Variants in KCNT2 observed in about 807,000 individuals in gnomAD.
The protein encoded by KCNT2 is potassium channel subfamily T member 2.
Under a neutral mutation model 153.8 loss-of-function variants are expected in KCNT2, and 67 were observed. That is an observed-to-expected ratio of 0.44 (90% CI 0.36 to 0.53). The LOEUF (loss-of-function observed/expected upper bound fraction) is 0.53, where lower values mean the gene tolerates loss of function less well. Among genes scored for constraint, KCNT2 ranks in the 20% least tolerant of loss-of-function variants. The pLI is 0.00. For synonymous variants in KCNT2, 500 were observed against 458.8 expected (o/e 1.09, Z -1.15); for missense variants, 975 against 1,354.8 (o/e 0.72, Z 4.40).
intron 1 of KCNT2, among the ~76,000 whole-genome samples, chr1:196,592,692 T>C (rs1406342763): frequency 1.4e-5 from 1 of 72,748 alleles, no homozygotes; most frequent in East Asian, 4.7e-4. Context: ...TCTGATTATA[T>C]ATGTATGTAT....
chr1:196,326,406 T>C (rs959214535), intron 19 of KCNT2, among the ~76,000 whole-genome samples: 4 of 152,092 alleles, frequency 2.6e-5, no homozygotes, highest in Non-Finnish European at 2.9e-5. Flanking sequence ...GGCTAGTTGA[T>C]TAATTTAAGG....
At chr1:196,572,957 G>T (rs528376566) in intron 1 of KCNT2, among the ~76,000 whole-genome samples, 152 of 152,160 alleles carry the variant, frequency 1.0e-3, no homozygotes, top group African/African-American at 3.4e-3. Flanking sequence ...AGTGTCTCAG[G>T]TTTAAATAGA....
At chr1:196,527,802 C>G (rs907290385) in intron 1 of KCNT2, among the ~76,000 whole-genome samples, 2 of 152,118 alleles carry the variant, frequency 1.3e-5, no homozygotes, top group Admixed American at 6.5e-5. Flanking sequence ...TTCCTATGAA[C>G]GGAGGTACAC....
intron 8 of KCNT2, among the ~76,000 whole-genome samples, chr1:196,437,488 G>T (rs538120570): frequency 2.8e-5 from 4 of 144,774 alleles, no homozygotes; most frequent in African/African-American, 1.0e-4. Flanking sequence ...TATATCCCCC[G>T]CCTAAACATT....
chr1:196,496,404 G>T (rs909032311), intron 1 of KCNT2, among the ~76,000 whole-genome samples: 3 of 150,868 alleles, frequency 2.0e-5, no homozygotes, highest in Admixed American at 2.0e-4. Flanking sequence ...AGAGGCAGAG[G>T]TTGCAGTGAG....
At chr1:196,247,965 A>G (rs1655603560) in intron 26 of KCNT2, among the ~76,000 whole-genome samples, 1 of 152,192 alleles carries the variant, frequency 6.6e-6, no homozygotes, top group Non-Finnish European at 1.5e-5. Flanking sequence ...TCTGACCACA[A>G]AGGAATAAAA....
chr1:196,426,443 AAC>A (rs1673661410), intron 10 of KCNT2, among the ~76,000 whole-genome samples: 1 of 152,056 alleles, frequency 6.6e-6, no homozygotes, highest in Non-Finnish European at 1.5e-5. Context: ...AATAATTTTG[AAC>A]AGTTTCTGAT....
At chr1:196,448,677 G>A (rs1003151183) in intron 8 of KCNT2, among the ~76,000 whole-genome samples, 3 of 151,494 alleles carry the variant, frequency 2.0e-5, no homozygotes, top group Non-Finnish European at 4.4e-5. Flanking sequence ...TCCTATTGTT[G>A]AAGTTTATAT....
intron 1 of KCNT2, among the ~76,000 whole-genome samples, chr1:196,501,593 G>C (rs1217194759): frequency 1.3e-5 from 2 of 152,062 alleles, no homozygotes; most frequent in Non-Finnish European, 2.9e-5. Context: ...GACTTCAAAA[G>C]GTGGGCAGGT....
chr1:196,579,261 G>T (rs1384355259), intron 1 of KCNT2, among the ~76,000 whole-genome samples: 2 of 152,030 alleles, frequency 1.3e-5, no homozygotes, highest in Non-Finnish European at 2.9e-5. Flanking sequence ...CATAAAAGTG[G>T]GAGCTAAATG....
At chr1:196,587,088 T>C (rs1245449583) in intron 1 of KCNT2, among the ~76,000 whole-genome samples, 2 of 152,062 alleles carry the variant, frequency 1.3e-5, no homozygotes, top group East Asian at 1.9e-4. Context: ...TGGAAAAAAT[T>C]TGAATAAAAT....
chr1:196,477,415 G>C (rs1339572526), intron 5 of KCNT2, among the ~76,000 whole-genome samples: 2 of 151,860 alleles, frequency 1.3e-5, no homozygotes, highest in African/African-American at 4.8e-5. Flanking sequence ...GCAAAATCCT[G>C]TCTCTACAAA....
At chr1:196,505,471 GT>G (rs1436991219) in intron 1 of KCNT2, among the ~76,000 whole-genome samples, 1 of 150,240 alleles carries the variant, frequency 6.7e-6, no homozygotes, top group East Asian at 2.0e-4. Flanking sequence ...GTACCATGCT[GT>G]TTTGGTTACT....
chr1:196,312,274 C>T (rs530855491), intron 21 of KCNT2, among the ~76,000 whole-genome samples: 165 of 151,746 alleles, frequency 1.1e-3, no homozygotes, highest in Non-Finnish European at 2.0e-3. Flanking sequence ...AAGGAGTCTT[C>T]TGAGTAAAGG....
intron 14 of KCNT2, among the ~76,000 whole-genome samples, chr1:196,363,819 T>C (rs1489892146): frequency 6.6e-6 from 1 of 152,196 alleles, no homozygotes; most frequent in Non-Finnish European, 1.5e-5. Flanking sequence ...TACTAAGACA[T>C]GTTTGCTCAT....
chr1:196,351,026 T>G (rs1204205290), intron 14 of KCNT2, among the ~76,000 whole-genome samples: 1 of 152,172 alleles, frequency 6.6e-6, no homozygotes, highest in African/African-American at 2.4e-5. Flanking sequence ...ATATGTGGCG[T>G]TATTTCTGAG....
At chr1:196,423,902 C>T (rs1267869692) in intron 11 of KCNT2, among the ~76,000 whole-genome samples, 1 of 151,848 alleles carries the variant, frequency 6.6e-6, no homozygotes, top group Non-Finnish European at 1.5e-5. Flanking sequence ...ACTCATGTAA[C>T]TAACCTATGA....
chr1:196,392,418 T>C (rs1670570488), intron 13 of KCNT2, among the ~76,000 whole-genome samples: 1 of 151,372 alleles, frequency 6.6e-6, no homozygotes, highest in South Asian at 2.1e-4. Context: ...TTTTATATTT[T>C]GAAAATATAA....
chr1:196,276,320 C>T (rs1280628926), intron 25 of KCNT2, among the ~76,000 whole-genome samples: 2 of 151,934 alleles, frequency 1.3e-5, no homozygotes, highest in East Asian at 1.9e-4. Context: ...TTGTTGATAA[C>T]GATGTTATAT....
Sources: gnomAD v4.1 joint callset for allele counts (sites outside exome capture counted in the v4.1 genomes callset) on GRCh38, gnomAD v4.1.1 for gene constraint, MANE v1.5 for transcripts, NCBI Gene and HGNC (gene_info 2026-07-23, HGNC 2026-07-21) for gene names.